Variants in STK11IP observed in about 807,000 individuals in gnomAD.
STK11IP encodes serine/threonine kinase 11 interacting protein, also known as serine/threonine-protein kinase 11-interacting protein.
In STK11IP, 103 loss-of-function variants were observed where a neutral mutation model predicts 131.7. The observed-to-expected ratio is 0.78, with a 90% CI of 0.67 to 0.92. STK11IP has a LOEUF of 0.92. Ranked by LOEUF, STK11IP falls within the 40% of genes least tolerant of loss-of-function variation. STK11IP has a pLI of 0.00. For missense variants in STK11IP, 1,315 were observed against 1,385.7 expected (o/e 0.95, Z 0.81); for synonymous variants, 557 against 575.6 (o/e 0.97, Z 0.46).
At chr2:219,605,259 T>TA (rs1000490289) in intron 7 of STK11IP, among the ~76,000 whole-genome samples, 21 of 152,188 alleles carry the variant, frequency 1.4e-4, no homozygotes, top group Middle Eastern at 3.2e-3. Context: ...AACTGGCACT[T>TA]ACCAAAATAA....
chr2:219,609,092 C>T lies in STK11IP; in HGVS notation c.1810-5C>T, dbSNP rs201933734. Reference sequence around the variant, plus strand: ...TTTTCACCCGGTCCCCCTCTTGCTGCGCAGGGCTCAGATCTGCTCCCTGGA... The same window carrying T: ...TTTTCACCCGGTCCCCCTCTTGCTGTGCAGGGCTCAGATCTGCTCCCTGGA... On this transcript the variant is annotated splice_region_variant and splice_polypyrimidine_tract_variant and intron_variant, in intron 15 of 24. Transcript: ENST00000456909. 178 of 1,581,740 alleles carry T rather than the reference C, an allele frequency of 1.1e-4. No individual in the cohort carries two copies. Among genetic ancestry groups the T allele is most frequent in the Admixed American group, 5.9e-4 (33 of 55,964 alleles).
At chr2:219,604,328 G>T (rs1559178283) in intron 7 of STK11IP, among the ~76,000 whole-genome samples, 2 of 152,198 alleles carry the variant, frequency 1.3e-5, no homozygotes, top group African/African-American at 4.8e-5. Flanking sequence ...ACAGGCCAAA[G>T]TTGAGGCCTA....
chr2:219,615,089 T>C lies in STK11IP; in HGVS notation c.2870-5T>C. ...CTTCCACACTGGATGCCTCTTTCCCTGCAGGCCCTTCCACCTGCCTCGTAT... is the reference window on the plus strand; with the variant it reads ...CTTCCACACTGGATGCCTCTTTCCCCGCAGGCCCTTCCACCTGCCTCGTAT... On this transcript the variant is annotated splice_region_variant and splice_polypyrimidine_tract_variant and intron_variant, in intron 23 of 24. Transcript: ENST00000456909. The C allele has an allele frequency of 6.2e-7, 1 of 1,607,222 alleles. No homozygotes were observed. The highest frequency in any genetic ancestry group is 8.5e-7 in the Non-Finnish European group (1 of 1,178,368).
At chr2:219,613,700 A>T (rs1208032588) in intron 20 of STK11IP, 52 bp from the exon 21 acceptor site, 1 of 1,607,240 alleles carries the variant, frequency 6.2e-7, no homozygotes, top group Middle Eastern at 1.7e-4. Context: ...CCTCTCTGGG[A>T]CTCTCACTCC....
At chr2:219,614,002 C>G (rs564430880) in intron 21 of STK11IP, 72 bp downstream of exon 21, 2 of 1,507,648 alleles carry the variant, frequency 1.3e-6, no homozygotes, top group Non-Finnish European at 1.8e-6. Flanking sequence ...GGCTCCCCAC[C>G]TGGTACCCAG....
chr2:219,598,112 C>A lies in STK11IP; in HGVS notation c.-8C>A, dbSNP rs960652578. ...CCCCCAGGCTCCGCCCCCCAGCGTCCCGTGGCCATGACGACCGCTCAGAGG... is the reference window on the plus strand; with the variant it reads ...CCCCCAGGCTCCGCCCCCCAGCGTCACGTGGCCATGACGACCGCTCAGAGG... On this transcript the variant is annotated 5_prime_UTR_variant, in exon 2 of 25. Transcript: ENST00000456909. The A allele has an allele frequency of 1.3e-6, 2 of 1,590,772 alleles. No homozygotes were observed. The highest frequency in any genetic ancestry group is 1.8e-5 in the Admixed American group (1 of 57,078).
rs996206904 is a variant in STK11IP at position 219,602,184 on chromosome 2, T to G, written c.438+101T>G. Reference sequence around the variant, plus strand: ...CTCTGCAGCTCTCCCTGCCTCCTGCTTCCCTCTAGACAGTGTCCTCACTCC... The same window carrying G: ...CTCTGCAGCTCTCCCTGCCTCCTGCGTCCCTCTAGACAGTGTCCTCACTCC... On this transcript the variant is annotated intron_variant, in intron 5 of 24. Transcript: ENST00000456909. 9.1e-6 allele frequency: 8 copies of G among 881,206 alleles called. No homozygotes were observed. The African/African-American group carries it at 1.3e-4, about 15-fold the overall frequency. The allele number at this position is 881,206 out of a possible 1,614,324, so 54.6% of individuals were successfully genotyped here. A position where few individuals can be genotyped will look rare whatever the true frequency, so the allele number is the denominator to read the frequency against.
At position 219,608,399 on chromosome 2, in the gene STK11IP, A is replaced by G. The variant is rs771805777; in HGVS notation, c.1572A>G (p.Glu524=). 1.3e-5 allele frequency: 21 copies of G among 1,575,194 alleles called. No individual in the cohort carries two copies. The East Asian group carries it at 4.2e-4, about 31-fold the overall frequency. ...EQGEEEAGEE[E]EEEQDQKEVE... The stretch of plus-strand genomic sequence containing the variant: ...GAGAAGAGGAGGCAGGAGAGGAGGA[A>G]GAAGAGGAGCAGGACCAGAAGGAAG... The change falls in exon 14 of 25, where the codon GAA becomes GAG. Residue 524 remains glutamate (E), a synonymous_variant. Transcript: ENST00000456909.
intron 10 of STK11IP, 83 bp downstream of exon 10, chr2:219,606,373 T>A: frequency 6.5e-7 from 1 of 1,543,514 alleles, no homozygotes; most frequent in Non-Finnish European, 8.8e-7. Flanking sequence ...CATCCCTGGG[T>A]GAGGGGCCAA....
intron 13 of STK11IP, among the ~76,000 whole-genome samples, chr2:219,607,494 C>CA (rs1441996852): frequency 5.3e-5 from 8 of 151,666 alleles, no homozygotes; most frequent in Admixed American, 6.6e-5. Context: ...TCCATTTCTA[C>CA]AAAAAAATTT....
At chr2:219,606,586 A>G in intron 11 of STK11IP, 69 bp downstream of exon 11, 4 of 1,609,058 alleles carry the variant, frequency 2.5e-6, no homozygotes, top group Non-Finnish European at 3.4e-6. Context: ...GAGAGAACAG[A>G]GGGCTGGCTG....
At chr2:219,600,858 GGAGGCTGGTCTCAA>G (rs1201563734) in intron 2 of STK11IP, among the ~76,000 whole-genome samples, 1 of 152,250 alleles carries the variant, frequency 6.6e-6, no homozygotes, top group Admixed American at 6.5e-5. Flanking sequence ...GCTTCCTGGA[GGAGGCTGGTCTCAA>G]GCTGGGCGGT....
intron 15 of STK11IP, 110 bp downstream of exon 15, chr2:219,608,898 C>A: frequency 1.6e-6 from 2 of 1,266,774 alleles, no homozygotes; most frequent in Non-Finnish European, 2.1e-6. Flanking sequence ...GCACTAGGAG[C>A]CGAGGAGGGG....
intron 11 of STK11IP, 28 bp from the exon 12 acceptor site, chr2:219,606,684 C>T: frequency 1.3e-6 from 2 of 1,598,402 alleles, no homozygotes; most frequent in South Asian, 1.1e-5. Context: ...GCTCCAACCT[C>T]TCTCTCCTTC....
At chr2:219,612,734 TGGGGG>T (rs752565065) in intron 19 of STK11IP, among the ~76,000 whole-genome samples, 168 of 152,244 alleles carry the variant, frequency 1.1e-3, no homozygotes, top group Non-Finnish European at 1.8e-3. Context: ...GAGAGGACTC[TGGGGG>T]GCCGGCAGGG....
rs951634713 is a variant in STK11IP, at chr2:219,598,081, T to C, written c.-26-13T>C. On this transcript the variant is annotated splice_polypyrimidine_tract_variant and intron_variant, in intron 1 of 24. Transcript: ENST00000456909. ...CCACCTGAGGCTCTTCCGCTTCCTC[T>C]TTCCCCCCCCAGGCTCCGCCCCCCA... The C allele has an allele frequency of 1.6e-5, 26 of 1,577,482 alleles. No homozygotes were observed. The East Asian group carries it at 6.1e-4, about 37-fold the overall frequency.
chr2:219,602,848 A>T, intron 7 of STK11IP, 72 bp downstream of exon 7: 1 of 1,425,250 alleles, frequency 7.0e-7, no homozygotes, highest in South Asian at 1.2e-5. Flanking sequence ...TCTCTCCTTG[A>T]CCAGCTTTTA....
intron 23 of STK11IP, 62 bp from the exon 24 acceptor site, chr2:219,615,032 G>A (rs1359663193): frequency 1.4e-5 from 22 of 1,550,070 alleles, no homozygotes; most frequent in Non-Finnish European, 1.7e-5. Flanking sequence ...GCACTGGGAC[G>A]CTGGCCCCAG....
Position 219,609,377 on chromosome 2 carries a change from G to A in STK11IP, c.1941G>A (p.Val647=), listed in dbSNP as rs746782338. 8.1e-6 allele frequency: 13 copies of A among 1,613,668 alleles called. No individual in the cohort carries two copies. The highest frequency in any genetic ancestry group is 1.3e-5 in the African/African-American group (1 of 74,958). The part of the protein sequence containing the change: ...AHAAVQELLA[V]LTPVTNVARE... ...CCCTCTGTCAGGAGCTGCTTGCCGT[G>A]TTGACCCCAGTCACCAATGTGGCTC... Residue 647 remains valine (V), a synonymous_variant, in exon 17 of 25, where the codon GTG becomes GTA. Coordinates refer to ENST00000456909, the MANE Select transcript of STK11IP (RefSeq NM_052902.4).
Sources: gnomAD v4.1 joint callset for allele counts (sites outside exome capture counted in the v4.1 genomes callset) on GRCh38, gnomAD v4.1.1 for gene constraint, MANE v1.5 for transcripts, NCBI Gene and HGNC (gene_info 2026-07-23, HGNC 2026-07-21) for gene names.